Variants in PPP2R3B observed in about 807,000 individuals in gnomAD.
PPP2R3B encodes serine/threonine-protein phosphatase 2A regulatory subunit B'' subunit beta.
A neutral mutation model predicts 72.9 loss-of-function variants in PPP2R3B; 68 were observed. The observed-to-expected ratio is 0.93, with a 90% CI of 0.77 to 1.14. The LOEUF (loss-of-function observed/expected upper bound fraction) is 1.14, where lower values mean the gene tolerates loss of function less well. Among genes scored for constraint, PPP2R3B ranks in the 50% most tolerant of loss-of-function variants. PPP2R3B has a pLI of 0.00. For missense variants in PPP2R3B, 1,018 were observed against 842.0 expected (o/e 1.21, Z -2.59); for synonymous variants, 466 against 375.8 (o/e 1.24, Z -2.78).
At chrX:358,711 C>A (rs1218819517) in intron 2 of PPP2R3B, among the ~76,000 whole-genome samples, 1 of 152,184 alleles carries the variant, frequency 6.6e-6, no homozygotes. Flanking sequence ...CGAGGTGACA[C>A]CGAGAACTGA....
At chrX:373,550 C>T in intron 1 of PPP2R3B, 1 of 245,344 alleles carries the variant, frequency 4.1e-6, no homozygotes, top group Non-Finnish European at 8.7e-6. Flanking sequence ...AGGCCTTCAG[C>T]CGCTTCTTGA....
Position 338,732 on chromosome X carries a change from C to T in PPP2R3B, c.1471-22G>A, listed in dbSNP as rs189504877. 3,343 of 1,611,794 alleles carry T rather than the reference C, an allele frequency of 2.1e-3. 7 individuals carry two copies. The highest frequency in any genetic ancestry group is 2.6e-3 in the Non-Finnish European group (3,017 of 1,179,458). On this transcript the variant is annotated intron_variant, in intron 11 of 12. Coordinates refer to ENST00000390665, the MANE Select transcript of PPP2R3B (RefSeq NM_013239.5). ...CGTCCTGGAGGAAGCACACGGGTTACGTACACGGCGTGGCGCGGCCCGGCC... is the reference window on the plus strand; with the variant it reads ...CGTCCTGGAGGAAGCACACGGGTTATGTACACGGCGTGGCGCGGCCCGGCC...
At chrX:345,739 C>A (rs956468615) in intron 6 of PPP2R3B, 67 bp from the exon 7 acceptor site, 125 of 1,084,154 alleles carry the variant, frequency 1.2e-4, no homozygotes, top group Non-Finnish European at 1.5e-4. Context: ...CGCCTGGCTG[C>A]GGGCGGGGCA....
At chrX:348,161 G>A (rs1445308387) in intron 2 of PPP2R3B, among the ~76,000 whole-genome samples, 1 of 152,090 alleles carries the variant, frequency 6.6e-6, no homozygotes, top group East Asian at 1.9e-4. Context: ...GTTTAAAATC[G>A]ATCGTCTACA....
At chrX:373,381 C>T (rs961358111) in intron 1 of PPP2R3B, among the ~76,000 whole-genome samples, 5 of 152,180 alleles carry the variant, frequency 3.3e-5, no homozygotes, top group Admixed American at 1.3e-4. Context: ...ACAACTGGCC[C>T]TGTAAATCTG....
At chrX:378,894 C>T (rs1028508425) in intron 1 of PPP2R3B, among the ~76,000 whole-genome samples, 11 of 152,264 alleles carry the variant, frequency 7.2e-5, no homozygotes, top group African/African-American at 2.7e-4. Context: ...CCTGGGCAAG[C>T]TCAAGGCTCC....
chrX:361,402 T>C lies in PPP2R3B; in HGVS notation c.510+3A>G, dbSNP rs2071536392. 1.2e-6 allele frequency: 2 copies of C among 1,613,952 alleles called. No individual in the cohort carries two copies. Among genetic ancestry groups the C allele is most frequent in the Non-Finnish European group, 1.7e-6 (2 of 1,179,840 alleles). On this transcript the variant is annotated splice_donor_region_variant and intron_variant, in intron 2 of 12. Transcript: ENST00000390665. ...TGCTCCACGTCCCACGCGTGACACG[T>C]ACCTTGGCCACCAGGCCCATGTCAT...
chrX:379,022 CATGCACCTGTGTGTGTGT>C (rs1231217059), intron 1 of PPP2R3B, among the ~76,000 whole-genome samples: 2 of 144,768 alleles, frequency 1.4e-5, no homozygotes, highest in East Asian at 4.1e-4. Context: ...CCTGTATGTA[CATGCACCTGTGTGTGTGT>C]ATGCACCTGT....
intron 10 of PPP2R3B, among the ~76,000 whole-genome samples, chrX:340,276 T>C (rs906614710): frequency 7.0e-6 from 1 of 143,240 alleles, no homozygotes; most frequent in Non-Finnish European, 1.5e-5. Flanking sequence ...CTCAGCCCAG[T>C]GCCAACGTCC....
At chrX:346,567 G>C in intron 5 of PPP2R3B, 134 bp downstream of exon 5, 1 of 861,514 alleles carries the variant, frequency 1.2e-6, no homozygotes, top group Non-Finnish European at 1.8e-6. Context: ...GACTCTCCCA[G>C]AGCGCGGCCG....
intron 2 of PPP2R3B, among the ~76,000 whole-genome samples, chrX:351,043 C>T (rs183604522): frequency 1.8e-4 from 28 of 152,246 alleles, no homozygotes; most frequent in Non-Finnish European, 3.8e-4. Flanking sequence ...GAGGGGGCTG[C>T]GCGCCACAGC....
At chrX:377,666 C>T (rs1267372509) in intron 1 of PPP2R3B, among the ~76,000 whole-genome samples, 8 of 140,204 alleles carry the variant, frequency 5.7e-5, no homozygotes, top group East Asian at 2.2e-4. Context: ...ACGGGCCGTC[C>T]ACACCCAGTG....
intron 2 of PPP2R3B, among the ~76,000 whole-genome samples, chrX:352,449 C>G (rs2071350335): frequency 6.6e-6 from 1 of 150,940 alleles, no homozygotes. Flanking sequence ...GGCAACGGGA[C>G]CCGGCCATCT....
chrX:346,577 G>A (rs1275644451), intron 5 of PPP2R3B, 124 bp downstream of exon 5: 11 of 934,242 alleles, frequency 1.2e-5, no homozygotes, highest in East Asian at 2.7e-5. Context: ...GAGCGCGGCC[G>A]CCTCCTCCGG....
chrX:342,823 G>C (rs1431297265), intron 7 of PPP2R3B, among the ~76,000 whole-genome samples: 10 of 35,128 alleles, frequency 2.8e-4, no homozygotes, highest in African/African-American at 6.1e-4. Context: ...GGAGACCTCA[G>C]CAACGGGAGG....
intron 1 of PPP2R3B, among the ~76,000 whole-genome samples, chrX:376,257 G>A (rs771916435): frequency 6.6e-6 from 1 of 151,352 alleles, no homozygotes; most frequent in Non-Finnish European, 1.5e-5. Context: ...TGCACACATA[G>A]GCAGAGATTT....
Position 334,141 on chromosome X carries a change from G to GGAAC in PPP2R3B, c.*222_*225dup, listed in dbSNP as rs1380590589. On this transcript the variant is annotated 3_prime_UTR_variant, in exon 13 of 13. Coordinates refer to ENST00000390665, the MANE Select transcript of PPP2R3B (RefSeq NM_013239.5). ...GCAAGCGCCAGAGGGTGTCCGTGTG[G>GGAAC]GAACCCGTCCCATTCACGCGCGGCC... 4.6e-6 allele frequency: 2 copies of GGAAC among 435,522 alleles called. No individual in the cohort carries two copies. The highest frequency in any genetic ancestry group is 7.8e-6 in the Non-Finnish European group (2 of 256,392). 27.0% of individuals were successfully genotyped at this position (435,522 alleles called of 1,614,324 possible).
intron 1 of PPP2R3B, chrX:374,013 A>T (rs1168871572): frequency 6.6e-6 from 1 of 152,462 alleles, no homozygotes; most frequent in East Asian, 1.9e-4. Flanking sequence ...CGGCCGGGCA[A>T]GGGGGCGCTT....
rs767231859 is a variant in PPP2R3B, at chrX:345,595, G to C, written c.957C>G (p.Ile319Met). 1 of 1,613,342 alleles carries C rather than the reference G, an allele frequency of 6.2e-7. No individual in the cohort carries two copies. The highest frequency in any genetic ancestry group is 2.2e-5 in the East Asian group (1 of 44,824). ...EFFSYEHFYV[I>M]YCKFWELDTD... ...TGTCCAGCTCCCAGAACTTGCAGTA[G>C]ATGACGTAGAAATGCTCGTACGAGA... is the stretch of plus-strand genomic sequence containing the variant. The change falls in exon 7 of 13, where the codon ATC becomes ATG. Residue 319 changes from isoleucine (I) to methionine (M), a missense_variant. By Grantham distance (10) the Ile-to-Met change is conservative. Transcript: ENST00000390665.
Sources: allele counts gnomAD v4.1 joint callset (sites outside exome capture counted in the v4.1 genomes callset), GRCh38; gene constraint gnomAD v4.1.1; transcripts MANE v1.5; gene names NCBI Gene and HGNC (gene_info 2026-07-23, HGNC 2026-07-21).